The following TLK1 variants were observed in gnomAD, a reference collection of about 807,000 sequenced individuals.
TLK1 encodes tousled like kinase 1.
In TLK1, 24 loss-of-function variants were observed where a neutral mutation model predicts 105.3. The ratio of observed to expected loss-of-function variants is 0.23; its 90% CI spans 0.17 to 0.32. TLK1 has a LOEUF of 0.32. TLK1 is among the 10% of genes least tolerant of loss of function. TLK1 has a pLI of 1.00. For missense variants in TLK1, 558 were observed against 910.5 expected (o/e 0.61, Z 4.98); for synonymous variants, 321 against 310.4 (o/e 1.03, Z -0.36).
At chr2:171,180,208 G>A (rs2356517) in intron 1 of TLK1, among the ~76,000 whole-genome samples, 6,817 of 151,588 alleles carry the variant, frequency 0.045, 440 homozygotes, top group East Asian at 0.29. Context: ...GAGAGCGAGA[G>A]CGAGACTTTG....
chr2:171,210,277 TA>T (rs1355569255), intron 1 of TLK1, among the ~76,000 whole-genome samples: 9 of 151,870 alleles, frequency 5.9e-5, no homozygotes, highest in African/African-American at 1.7e-4. Context: ...CTTTTTTTAT[TA>T]TTTTTTTTTT....
chr2:171,160,282 G>A lies in TLK1; in HGVS notation c.139+8C>T, dbSNP rs748205286. Reference sequence around the variant, plus strand: ...CCCGCGAGCGGGCGCGGGCGCGGCGGTGCTTACCTTCCCTGGGCCTCCCGG... The same window carrying A: ...CCCGCGAGCGGGCGCGGGCGCGGCGATGCTTACCTTCCCTGGGCCTCCCGG... On this transcript the variant is annotated splice_region_variant and intron_variant, in intron 1 of 20. Coordinates refer to ENST00000431350, the MANE Select transcript of TLK1 (RefSeq NM_012290.5). The surrounding 1 kb of genome is among the most constrained non-coding windows in gnomAD (Gnocchi z 4.4). 4 of 1,556,308 alleles carry A rather than the reference G, an allele frequency of 2.6e-6. No individual in the cohort carries two copies. Among genetic ancestry groups the A allele is most frequent in the Non-Finnish European group, 3.5e-6 (4 of 1,156,676 alleles).
intron 1 of TLK1, among the ~76,000 whole-genome samples, chr2:171,141,415 G>A (rs1691567914): frequency 6.6e-6 from 1 of 152,130 alleles, no homozygotes; most frequent in Non-Finnish European, 1.5e-5. Context: ...CTAGTGGCTG[G>A]CACTGGGCAG....
intron 1 of TLK1, among the ~76,000 whole-genome samples, chr2:171,199,760 C>A (rs972353897): frequency 2.0e-5 from 3 of 152,146 alleles, no homozygotes; most frequent in Non-Finnish European, 2.9e-5. Context: ...CTGAAAATTT[C>A]AGAGCCTAAT....
chr2:171,125,122 A>G (rs1690814756), intron 1 of TLK1, among the ~76,000 whole-genome samples: 1 of 152,222 alleles, frequency 6.6e-6, no homozygotes, highest in Admixed American at 6.5e-5. Flanking sequence ...ACATCAGTAA[A>G]TGGCTTTCCT....
In TLK1 at chr2:171,222,853, C is replaced by T. The variant is rs527873246; in HGVS notation, c.-6+8292G>A. The stretch of plus-strand genomic sequence containing the variant: ...TATTTGAGATGGAGTCTCGCTCTGT[C>T]GCCCAGGCTGGAGTATGGTGGTGCA... On this transcript the variant is annotated intron_variant, in intron 1 of 20. Coordinates refer to the TLK1 transcript ENST00000521943. Among the ~76,000 whole-genome samples, 8 of 152,096 alleles carry T rather than the reference C, an allele frequency of 5.3e-5. No homozygotes were observed. The East Asian group carries it at 9.6e-4, about 18-fold the overall frequency.
intron 1 of TLK1, among the ~76,000 whole-genome samples, chr2:171,151,566 C>T (rs1692038306): frequency 6.6e-6 from 1 of 151,008 alleles, no homozygotes; most frequent in African/African-American, 2.4e-5. Flanking sequence ...GCTCTGCCTC[C>T]CAGGTTCACA....
chr2:171,201,924 TC>T (rs1693406309), intron 1 of TLK1, among the ~76,000 whole-genome samples: 2 of 152,008 alleles, frequency 1.3e-5, no homozygotes, highest in Non-Finnish European at 2.9e-5. Context: ...TATCTATCTA[TC>T]TATCTATCTA....
chr2:171,044,360 G>C (rs1686837974), intron 11 of TLK1, among the ~76,000 whole-genome samples: 1 of 152,204 alleles, frequency 6.6e-6, no homozygotes, highest in Non-Finnish European at 1.5e-5. Context: ...CACTCACTAA[G>C]AGAACACAGA....
In TLK1 at chr2:171,048,426, A is replaced by T. The variant is rs13409678; in HGVS notation, c.980+1388T>A. Among the ~76,000 whole-genome samples, 520 of 152,272 alleles carry T rather than the reference A, an allele frequency of 3.4e-3. 6 individuals carry two copies. Among genetic ancestry groups the T allele is most frequent in the African/African-American group, 0.012 (486 of 41,540 alleles). On this transcript the variant is annotated intron_variant, in intron 10 of 20. Transcript: ENST00000431350. Reference sequence around the variant, plus strand: ...AAAAAATTATCTTCTCCTGCTTTCCACTTTACTGTTGATATGTTAGTTCAT... The same window carrying T: ...AAAAAATTATCTTCTCCTGCTTTCCTCTTTACTGTTGATATGTTAGTTCAT...
rs1692419580 is a variant in TLK1, at chr2:171,160,224, GGGGCGCGGGGGTCCGC to G, written c.139+50_139+65del. 7.8e-7 allele frequency: 1 copy of G among 1,285,598 alleles called. No individual in the cohort carries two copies. Among genetic ancestry groups the G allele is most frequent in the East Asian group, 3.2e-5 (1 of 31,528 alleles). The allele number at this position is 1,285,598 out of a possible 1,614,324, so 79.6% of individuals were successfully genotyped here. On this transcript the variant is annotated intron_variant, in intron 1 of 20. Coordinates refer to ENST00000431350, the MANE Select transcript of TLK1 (RefSeq NM_012290.5). The surrounding 1 kb of genome is among the most constrained non-coding windows in gnomAD (Gnocchi z 4.4). ...GCCCCGGGGCGGGGGGGGCGGGGGG[GGGGCGCGGGGGTCCGC>G]GGCGCGGGAGAGGAGGCCCGCGAGC...
chr2:171,025,575 A>C (rs1685734114), intron 12 of TLK1, among the ~76,000 whole-genome samples: 1 of 152,208 alleles, frequency 6.6e-6, no homozygotes, highest in Non-Finnish European at 1.5e-5. Flanking sequence ...ATTCAGATCC[A>C]GCCTATGGTA....
At chr2:171,202,743 G>C (rs1235755092) in intron 1 of TLK1, among the ~76,000 whole-genome samples, 1 of 152,078 alleles carries the variant, frequency 6.6e-6, no homozygotes, top group Non-Finnish European at 1.5e-5. Context: ...AGTGACAGAG[G>C]AAGACTCCAT....
chr2:171,189,869 A>C (rs1449640148), intron 1 of TLK1, among the ~76,000 whole-genome samples: 1 of 152,204 alleles, frequency 6.6e-6, no homozygotes, highest in African/African-American at 2.4e-5. Flanking sequence ...TCAAAAGGTC[A>C]GAAAGCAGTG....
chr2:171,145,781 G>A (rs2105586444), intron 1 of TLK1, among the ~76,000 whole-genome samples: 1 of 152,254 alleles, frequency 6.6e-6, no homozygotes, highest in Admixed American at 6.5e-5. Context: ...TAATGTGGAT[G>A]AATCTTACAA....
intron 1 of TLK1, among the ~76,000 whole-genome samples, chr2:171,176,841 T>A (rs1466962257): frequency 2.1e-5 from 3 of 145,622 alleles, no homozygotes; most frequent in Admixed American, 2.0e-4. Flanking sequence ...TTTTTTTTAA[T>A]TTTTTTTTTT....
intron 1 of TLK1, among the ~76,000 whole-genome samples, chr2:171,210,129 T>C (rs1433557392): frequency 6.6e-6 from 1 of 152,178 alleles, no homozygotes; most frequent in Non-Finnish European, 1.5e-5. Context: ...TGAATGTCAT[T>C]ATAGTACCAT....
At chr2:171,019,642 A>G (rs1685386114) in intron 12 of TLK1, among the ~76,000 whole-genome samples, 1 of 152,216 alleles carries the variant, frequency 6.6e-6, no homozygotes, top group Non-Finnish European at 1.5e-5. Flanking sequence ...TAAAACAGGA[A>G]GTATTTTGAT....
chr2:171,230,840 T>C (rs753669752), intron 1 of TLK1, among the ~76,000 whole-genome samples: 1 of 152,174 alleles, frequency 6.6e-6, no homozygotes, highest in Non-Finnish European at 1.5e-5. Context: ...CTTTGGTAAA[T>C]GGCCAGAGTT....
Sources: gnomAD v4.1 joint callset for allele counts (sites outside exome capture counted in the v4.1 genomes callset) on GRCh38, gnomAD v4.1.1 for gene constraint, Gnocchi (gnomAD v3.1) non-coding constraint, MANE v1.5 for transcripts, NCBI Gene and HGNC (gene_info 2026-07-23, HGNC 2026-07-21) for gene names.